UPRT: variants seen among roughly 807,000 people sequenced by gnomAD.
The protein encoded by UPRT is uracil phosphoribosyltransferase homolog, also known as RP11-311P8.3.
Under a neutral mutation model 22.6 loss-of-function variants are expected in UPRT, and 5 were observed. The observed-to-expected ratio is 0.22, with a 90% CI of 0.12 to 0.47. The LOEUF is 0.47. UPRT is among the 20% of genes least tolerant of loss of function. UPRT has a pLI of 0.99. For synonymous variants in UPRT, 77 were observed against 87.7 expected (o/e 0.88, Z 0.68); for missense variants, 181 against 239.9 (o/e 0.75, Z 1.62).
chrX:75,233,130 G>A (rs58880144), intron 4 of UPRT, among the ~76,000 whole-genome samples: 1,488 of 111,714 alleles, frequency 0.013, 17 homozygotes, highest in African/African-American at 0.046. Context: ...GGACAACTAC[G>A]TGAAGAATGC....
intron 1 of UPRT, among the ~76,000 whole-genome samples, chrX:75,281,597 C>A (rs764877155): frequency 8.9e-6 from 1 of 111,993 alleles, no homozygotes; most frequent in Admixed American, 9.4e-5. Context: ...ACCATCCCTG[C>A]ATCCCTGATA....
At chrX:75,184,049 T>C (rs2082280541) in intron 4 of UPRT, among the ~76,000 whole-genome samples, 1 of 112,394 alleles carries the variant, frequency 8.9e-6, no homozygotes, top group Non-Finnish European at 1.9e-5. Flanking sequence ...TTGTCAATTT[T>C]GGCTTTTGTT....
At chrX:75,282,998 T>C (rs968847407) in intron 1 of UPRT, among the ~76,000 whole-genome samples, 4 of 112,128 alleles carry the variant, frequency 3.6e-5, no homozygotes, top group African/African-American at 9.7e-5. Context: ...TAGTTTTCCA[T>C]TGGACAAGGC....
At chrX:75,207,906 T>A (rs1305170168) in intron 4 of UPRT, among the ~76,000 whole-genome samples, 1 of 111,683 alleles carries the variant, frequency 9.0e-6, no homozygotes, top group Non-Finnish European at 1.9e-5. Flanking sequence ...TTGGTGTGGT[T>A]GGGCAGTCTC....
chrX:75,222,759 G>T (rs1009519209), intron 4 of UPRT, among the ~76,000 whole-genome samples: 1 of 110,614 alleles, frequency 9.0e-6, no homozygotes, highest in Non-Finnish European at 1.9e-5. Flanking sequence ...GCCCAATGCA[G>T]GTCCAGAAAT....
intron 4 of UPRT, among the ~76,000 whole-genome samples, chrX:75,243,750 A>C (rs2082495419): frequency 8.9e-6 from 1 of 112,003 alleles, no homozygotes; most frequent in Non-Finnish European, 1.9e-5. Flanking sequence ...GAATAAGGCT[A>C]CTTGCCTAAT....
chrX:75,292,822 T>A (rs1262015895), intron 1 of UPRT, among the ~76,000 whole-genome samples: 2 of 111,228 alleles, frequency 1.8e-5, no homozygotes, highest in African/African-American at 3.3e-5. Context: ...TTATTATTAC[T>A]TGGTTACCTC....
At chrX:75,209,361 C>T (rs751551756) in intron 4 of UPRT, among the ~76,000 whole-genome samples, 1 of 110,739 alleles carries the variant, frequency 9.0e-6, no homozygotes, top group South Asian at 3.9e-4. Flanking sequence ...AGTCCGACTT[C>T]CGGTGTTGTT....
chrX:75,191,389 T>G (rs928166658), intron 4 of UPRT, among the ~76,000 whole-genome samples: 12 of 111,866 alleles, frequency 1.1e-4, no homozygotes, highest in African/African-American at 3.9e-4. Context: ...CTGCCCCTAT[T>G]AGGGGGTGCT....
chrX:75,194,509 G>C (rs2082326984), intron 4 of UPRT, among the ~76,000 whole-genome samples: 1 of 111,340 alleles, frequency 9.0e-6, no homozygotes, highest in African/African-American at 3.3e-5. Flanking sequence ...GGTGGGTTCA[G>C]GGGTGCCATC....
chrX:75,171,612 G>C (rs1335602787), intron 4 of UPRT, among the ~76,000 whole-genome samples: 1 of 104,416 alleles, frequency 9.6e-6, no homozygotes, highest in Non-Finnish European at 2.0e-5. Flanking sequence ...TCCATTGCTG[G>C]TGAGCTAGTG....
At chrX:75,182,812 T>C (rs748369473) in intron 4 of UPRT, among the ~76,000 whole-genome samples, 1 of 110,874 alleles carries the variant, frequency 9.0e-6, no homozygotes, top group African/African-American at 3.3e-5. Flanking sequence ...GATTCATTGA[T>C]ATTTTGTATG....
chrX:75,266,856 A>G (rs937972481), intron 4 of UPRT, among the ~76,000 whole-genome samples: 1 of 111,960 alleles, frequency 8.9e-6, no homozygotes, highest in Non-Finnish European at 1.9e-5. Context: ...ATCCCTAGCC[A>G]TCAGAGAAAT....
chrX:75,157,079 C>T (rs763585804), intron 1 of UPRT, among the ~76,000 whole-genome samples: 5 of 112,103 alleles, frequency 4.5e-5, no homozygotes. Context: ...TAAAGACAGG[C>T]TTATATTCTT....
chrX:75,250,853 C>G (rs1214760844), intron 4 of UPRT, among the ~76,000 whole-genome samples: 11 of 111,904 alleles, frequency 9.8e-5, no homozygotes, highest in African/African-American at 3.2e-4. Context: ...CATCAAAAAG[C>G]TTATCCACCA....
At chrX:75,172,813 G>A (rs1224251022) in intron 4 of UPRT, among the ~76,000 whole-genome samples, 1 of 111,247 alleles carries the variant, frequency 9.0e-6, no homozygotes, top group Admixed American at 9.5e-5. Flanking sequence ...GGGCTCAGGA[G>A]TGAAGCTGCA....
chrX:75,156,591 G>T (rs1217086572), intron 1 of UPRT: 1 of 406,403 alleles, frequency 2.5e-6, no homozygotes, highest in Non-Finnish European at 4.5e-6. Context: ...TCATCTCTTC[G>T]TGCGTGTGTC....
At chrX:75,243,057 T>G (rs898262355) in intron 4 of UPRT, among the ~76,000 whole-genome samples, 5 of 111,616 alleles carry the variant, frequency 4.5e-5, no homozygotes, top group Non-Finnish European at 9.4e-5. Flanking sequence ...CATTTTTTTT[T>G]CTTTATTTGG....
chrX:75,235,859 C>G (rs1193525922), intron 4 of UPRT, among the ~76,000 whole-genome samples: 1 of 111,711 alleles, frequency 9.0e-6, no homozygotes, highest in Non-Finnish European at 1.9e-5. Flanking sequence ...TGGGCAAAAA[C>G]TGGAAGCATT....
Sources: allele counts gnomAD v4.1 joint callset (sites outside exome capture counted in the v4.1 genomes callset), GRCh38; gene constraint gnomAD v4.1.1; transcripts MANE v1.5; gene names NCBI Gene and HGNC (gene_info 2026-07-23, HGNC 2026-07-21).